Variants in TGFA observed in about 807,000 individuals in gnomAD.
TGFA encodes transforming growth factor alpha.
A neutral mutation model predicts 21.7 loss-of-function variants in TGFA; 12 were observed. The ratio of observed to expected loss-of-function variants is 0.55; its 90% CI spans 0.35 to 0.90. The LOEUF (loss-of-function observed/expected upper bound fraction) is 0.90, where lower values mean the gene tolerates loss of function less well. Among genes scored for constraint, TGFA ranks in the 40% least tolerant of loss-of-function variants. The pLI is 0.01. For missense variants in TGFA, 178 were observed against 210.8 expected, an observed-to-expected ratio of 0.84 and a Z score of 0.96; for synonymous variants, 79 against 88.1, an observed-to-expected ratio of 0.90 and a Z score of 0.58.
chr2:70,521,421 T>C (rs1672455650), intron 1 of TGFA, among the ~76,000 whole-genome samples: 1 of 152,202 alleles, frequency 6.6e-6, no homozygotes, highest in East Asian at 1.9e-4. Flanking sequence ...TTATGGCTGC[T>C]GACTTTAGTT....
intron 1 of TGFA, among the ~76,000 whole-genome samples, chr2:70,521,606 G>GTTTTTTTTTTTTTTTTTTTT (rs1559133439): frequency 7.1e-5 from 7 of 98,220 alleles, no homozygotes; most frequent in Admixed American, 1.2e-4. Flanking sequence ...TTTTTTTGTT[G>GTTTTTTTTTTTTTTTTTTTT]TTGTTTGTTT....
intron 1 of TGFA, among the ~76,000 whole-genome samples, chr2:70,516,646 C>T (rs1022107793): frequency 3.3e-5 from 5 of 152,190 alleles, no homozygotes; most frequent in Non-Finnish European, 7.4e-5. Flanking sequence ...CCCAGGGCCC[C>T]TCTGTCACCC....
At chr2:70,491,654 G>A (rs1553497654) in intron 2 of TGFA, among the ~76,000 whole-genome samples, 1 of 152,182 alleles carries the variant, frequency 6.6e-6, no homozygotes, top group African/African-American at 2.4e-5. Flanking sequence ...GGAGACAGTG[G>A]CATAACAGGG....
At chr2:70,451,670 T>C (rs1670063015) in intron 5 of TGFA, 14 of 674,086 alleles carry the variant, frequency 2.1e-5, no homozygotes. Flanking sequence ...TTACAAATTT[T>C]CTTAAAAGAT....
At chr2:70,461,734 C>A (rs13408582) in intron 3 of TGFA, 2 of 152,230 alleles carry the variant, frequency 1.3e-5, no homozygotes, top group Middle Eastern at 3.4e-3. Context: ...AGAGTCCTAA[C>A]CTTGCATTTC....
At chr2:70,537,593 G>C (rs1349969348) in intron 1 of TGFA, among the ~76,000 whole-genome samples, 3 of 152,184 alleles carry the variant, frequency 2.0e-5, no homozygotes, top group African/African-American at 7.2e-5. Context: ...AGTTTCAGTG[G>C]TCTGGAAAGA....
intron 1 of TGFA, chr2:70,553,195 A>G: frequency 1.3e-6 from 2 of 1,535,608 alleles, no homozygotes; most frequent in Non-Finnish European, 1.7e-6. Flanking sequence ...CCCAAAGCTC[A>G]AGAGCTCTGA....
intron 2 of TGFA, among the ~76,000 whole-genome samples, chr2:70,469,534 A>G (rs1255038763): frequency 6.6e-6 from 1 of 152,012 alleles, no homozygotes; most frequent in Admixed American, 6.6e-5. Context: ...ACAGAGTGTC[A>G]CCACATTGCC....
chr2:70,484,099 C>T (rs1044427508), intron 2 of TGFA, among the ~76,000 whole-genome samples: 4 of 152,200 alleles, frequency 2.6e-5, no homozygotes, highest in Admixed American at 1.3e-4. Flanking sequence ...TGAAATTGAA[C>T]TCTACCTAGT....
intron 3 of TGFA, among the ~76,000 whole-genome samples, chr2:70,458,126 T>C (rs1670295308): frequency 6.6e-6 from 1 of 152,104 alleles, no homozygotes; most frequent in Admixed American, 6.5e-5. Context: ...TTTGCTTGCT[T>C]TGATTTTAAT....
chr2:70,498,952 C>T (rs570178443), intron 2 of TGFA, among the ~76,000 whole-genome samples: 12 of 152,176 alleles, frequency 7.9e-5, no homozygotes, highest in Admixed American at 5.2e-4. Context: ...ATTACTGATG[C>T]CTGGATGCCA....
intron 1 of TGFA, among the ~76,000 whole-genome samples, chr2:70,538,938 T>G (rs912521312): frequency 3.7e-4 from 56 of 152,096 alleles, no homozygotes; most frequent in Non-Finnish European, 3.5e-4. Context: ...GCATGGCAAA[T>G]TTCATCGTTG....
chr2:70,549,812 C>T (rs1553506547), intron 1 of TGFA, among the ~76,000 whole-genome samples: 1 of 152,110 alleles, frequency 6.6e-6, no homozygotes. Context: ...AGAAAAGTCC[C>T]CTTTGCAGGG....
chr2:70,467,840 A>G (rs1226131163), intron 2 of TGFA: 1 of 152,262 alleles, frequency 6.6e-6, no homozygotes, highest in Non-Finnish European at 1.5e-5. Flanking sequence ...GGGGAAAAGC[A>G]GAGGCTAAAA....
chr2:70,537,660 T>C (rs1553504651), intron 1 of TGFA, among the ~76,000 whole-genome samples: 1 of 152,208 alleles, frequency 6.6e-6, no homozygotes, highest in Non-Finnish European at 1.5e-5. Context: ...AGTAAGCCCC[T>C]AGTTCTTTGA....
intron 2 of TGFA, among the ~76,000 whole-genome samples, chr2:70,470,471 G>A (rs1352225756): frequency 6.6e-6 from 1 of 152,218 alleles, no homozygotes; most frequent in Non-Finnish European, 1.5e-5. Context: ...TGTGGTTGGA[G>A]AGCAACGGTC....
rs1553489933 is a variant in TGFA, at chr2:70,453,201, G to A, written c.475+17C>T. ...CTCCACCCAATAGTGTCTCCCACCA[G>A]AGAAGAGTCTCCTTACCTGTTTCTG... On this transcript the variant is annotated intron_variant, in intron 5 of 5. Coordinates refer to ENST00000295400, the MANE Select transcript of TGFA (RefSeq NM_003236.4). The A allele has an allele frequency of 6.2e-7, 1 of 1,608,054 alleles. No homozygotes were observed. Among genetic ancestry groups the A allele is most frequent in the East Asian group, 2.2e-5 (1 of 44,744 alleles).
intron 1 of TGFA, among the ~76,000 whole-genome samples, chr2:70,546,655 T>A (rs1428460014): frequency 8.6e-6 from 1 of 116,616 alleles, no homozygotes; most frequent in Non-Finnish European, 1.9e-5. Context: ...TCTTTTTTCT[T>A]TTTTTTTTGA....
chr2:70,483,496 G>A (rs969577387), intron 2 of TGFA, among the ~76,000 whole-genome samples: 1 of 152,136 alleles, frequency 6.6e-6, no homozygotes, highest in Non-Finnish European at 1.5e-5. Flanking sequence ...TGTGGTATTA[G>A]GGGTCTTTTA....
Sources: gnomAD v4.1 joint callset for allele counts (sites outside exome capture counted in the v4.1 genomes callset) on GRCh38, gnomAD v4.1.1 for gene constraint, MANE v1.5 for transcripts, NCBI Gene and HGNC (gene_info 2026-07-23, HGNC 2026-07-21) for gene names.